The following PLA2G6 variants were observed in gnomAD, a reference collection of about 807,000 sequenced individuals.
PLA2G6 encodes phospholipase A2 group VI.
Under a neutral mutation model 83.8 loss-of-function variants are expected in PLA2G6, and 62 were observed. The observed-to-expected ratio is 0.74, with a 90% CI of 0.60 to 0.91. PLA2G6 has a LOEUF of 0.91. Ranked by LOEUF, PLA2G6 falls within the 40% of genes least tolerant of loss-of-function variation. The pLI, the probability that PLA2G6 is intolerant of heterozygous loss-of-function variation, is 0.00. For missense variants in PLA2G6, 944 were observed against 1,102.0 expected (o/e 0.86, Z 2.03); for synonymous variants, 417 against 449.8 (o/e 0.93, Z 0.92).
rs368642824 is a variant in PLA2G6, at chr22:38,125,642, G to A, written c.1427+729C>T. ...GAGTTGCCACCCTGACACTCACTCC[G>A]TGTGACCTTGAGCAAGTCACTTCAC... is the stretch of plus-strand genomic sequence containing the variant. On this transcript the variant is annotated intron_variant, in intron 10 of 16. Coordinates refer to ENST00000332509, the MANE Select transcript of PLA2G6 (RefSeq NM_003560.4). The A allele has an allele frequency of 5.3e-5, 25 of 470,026 alleles. No individual in the cohort carries two copies. The East Asian group carries it at 1.5e-3, about 27-fold the overall frequency. The allele number at this position is 470,026 out of a possible 1,614,324, so 29.1% of individuals were successfully genotyped here. A position where few individuals can be genotyped will look rare whatever the true frequency, so the allele number is the denominator to read the frequency against.
chr22:38,125,702 AG>A (rs1333063388), intron 10 of PLA2G6: 5 of 470,812 alleles, frequency 1.1e-5, no homozygotes, highest in Non-Finnish European at 2.2e-5. Context: ...CTGTAAAACA[AG>A]GTTACAAATT....
chr22:38,115,958 G>A (rs2087166344), intron 13 of PLA2G6, 117 bp downstream of exon 13: 3 of 1,481,106 alleles, frequency 2.0e-6, no homozygotes, highest in Non-Finnish European at 2.8e-6. Flanking sequence ...GACCAGTGCA[G>A]CGGGTGGGCT....
intron 2 of PLA2G6, among the ~76,000 whole-genome samples, chr22:38,157,989 T>C (rs895063532): frequency 2.0e-5 from 3 of 150,932 alleles, no homozygotes; most frequent in South Asian, 4.2e-4. Context: ...TGAGCTGAGA[T>C]TGCACCACCG....
intron 2 of PLA2G6, among the ~76,000 whole-genome samples, chr22:38,169,003 T>A (rs1358148260): frequency 1.3e-5 from 2 of 152,088 alleles, no homozygotes; most frequent in East Asian, 1.9e-4. Flanking sequence ...CAGGCTTCCA[T>A]CCTCAGCCTC....
At chr22:38,126,961 C>A in intron 9 of PLA2G6, 1 of 1,042,038 alleles carries the variant, frequency 9.6e-7, no homozygotes, top group Non-Finnish European at 1.2e-6. Flanking sequence ...AAGGAGACAT[C>A]CCTCGTCCTG....
rs1173200526 is a variant in PLA2G6, at chr22:38,112,193, G to A, written c.2389C>T (p.Gln797Ter). The A allele has an allele frequency of 1.2e-6, 2 of 1,600,774 alleles. No individual in the cohort carries two copies. The highest frequency in any genetic ancestry group is 2.3e-5 in the East Asian group (1 of 44,258). The change falls in exon 17 of 17, where the codon CAG becomes TAG. Residue 797 changes from glutamine to a stop codon, truncating the protein, a stop_gained. Transcript: ENST00000332509. LOFTEE classifies it high-confidence loss of function. ...VYIYEHREEFQKLIQLLLSP is the reference protein window; with the variant it reads ...VYIYEHREEF ...GAGAGCAGCAGCTGGATGAGCTTCT[G>A]GAACTCCTCGCGGTGCTCATAGATG...
chr22:38,173,688 AT>A lies in PLA2G6; in HGVS notation c.-45-4218del, dbSNP rs2090523292. On this transcript the variant is annotated intron_variant, in intron 1 of 16. Transcript: ENST00000332509. Reference sequence around the variant, plus strand: ...AAGGACGGGAGGAACAAGTATTATTATCCCATCTTCCCATCTCAGAGATCAA... The same window carrying A: ...AAGGACGGGAGGAACAAGTATTATTACCCATCTTCCCATCTCAGAGATCAA... Among the ~76,000 whole-genome samples the A allele has an allele frequency of 3.3e-5, 5 of 152,312 alleles. No homozygotes were observed. In the South Asian group the frequency reaches 1.0e-3, roughly 32 times the overall value.
intron 2 of PLA2G6, among the ~76,000 whole-genome samples, chr22:38,166,777 C>T (rs190540341): frequency 6.6e-6 from 1 of 152,074 alleles, no homozygotes; most frequent in Non-Finnish European, 1.5e-5. Flanking sequence ...CACAGCAGCA[C>T]AGAGAAATGA....
intron 3 of PLA2G6, chr22:38,143,755 T>C (rs1326588474): frequency 1.7e-5 from 5 of 297,956 alleles, no homozygotes; most frequent in Non-Finnish European, 3.3e-5. Context: ...TTTGTTTTGT[T>C]TTTTTGAGGT....
At chr22:38,146,038 A>AT in intron 2 of PLA2G6, 3 of 236,526 alleles carry the variant, frequency 1.3e-5, no homozygotes, top group Non-Finnish European at 2.4e-5. Flanking sequence ...ATGCCCAGCT[A>AT]ATTTTTTTTT....
chr22:38,128,355 AC>A lies in PLA2G6; in HGVS notation c.1261del (p.Val421SerfsTer26), dbSNP rs781679211. The A allele has an allele frequency of 1.9e-6, 3 of 1,613,434 alleles. No individual in the cohort carries two copies. Among genetic ancestry groups the A allele is most frequent in the East Asian group, 4.5e-5 (2 of 44,866 alleles). On this transcript the variant is annotated frameshift_variant, in exon 9 of 17. Transcript: ENST00000332509. LOFTEE classifies it high-confidence loss of function. This position sits in a 1 kb window ranked among gnomAD's most constrained non-coding sequence, Gnocchi z 4.4. ...AEYCFPPIHG[V>X]PAEQGSAAPH... The stretch of plus-strand genomic sequence containing the variant: ...CGCTGCAGAGCCCTGCTCCGCGGGG[AC>A]CCCGTGGATGGGTGGGAAGCAGTAT...
At chr22:38,126,161 T>G (rs1315940699) in intron 10 of PLA2G6, 1 of 640,910 alleles carries the variant, frequency 1.6e-6, no homozygotes, top group African/African-American at 1.8e-5. Flanking sequence ...CCTGGGCTGG[T>G]CTCCAGAGCC....
chr22:38,111,847 G>A lies in PLA2G6; in HGVS notation c.*314C>T. ...AGGGAGGCTGGGGCTGGGGGCAGGG[G>A]TACGGTTGTGCCCGGGTACCCTTAA... is the stretch of plus-strand genomic sequence containing the variant. On this transcript the variant is annotated 3_prime_UTR_variant, in exon 17 of 17. Coordinates refer to ENST00000332509, the MANE Select transcript of PLA2G6 (RefSeq NM_003560.4). 1 of 415,754 alleles carries A rather than the reference G, an allele frequency of 2.4e-6. No homozygotes were observed. The highest frequency in any genetic ancestry group is 2.1e-5 in the South Asian group (1 of 47,638). 25.8% of individuals were successfully genotyped at this position (415,754 alleles called of 1,614,324 possible). A position where few individuals can be genotyped will look rare whatever the true frequency, so the allele number is the denominator to read the frequency against.
chr22:38,120,407 T>C (rs1287432891), intron 12 of PLA2G6, among the ~76,000 whole-genome samples: 1 of 152,170 alleles, frequency 6.6e-6, no homozygotes, highest in African/African-American at 2.4e-5. Flanking sequence ...TCTGCCCAGG[T>C]GGTCTCAGAG....
chr22:38,156,659 T>C (rs2089793087), intron 2 of PLA2G6, among the ~76,000 whole-genome samples: 1 of 152,078 alleles, frequency 6.6e-6, no homozygotes, highest in Non-Finnish European at 1.5e-5. Flanking sequence ...TTCACTGTGT[T>C]AGCCAGGATG....
rs1452095724 is a variant in PLA2G6 at position 38,135,017 on chromosome 22, T to C, written c.865A>G (p.Ser289Gly). ...IHSKDPRYGA[S>G]PLHWAKNAEM... is the part of the protein sequence containing the mutation. Reference sequence around the variant, plus strand: ...GCGTTCTTGGCCCAGTGGAGGGGGCTGGCTCCGTAACGGGGGTCTTTGCTG... The same window carrying C: ...GCGTTCTTGGCCCAGTGGAGGGGGCCGGCTCCGTAACGGGGGTCTTTGCTG... The change falls in exon 6 of 17, where the codon AGC becomes GGC. Residue 289 changes from serine (S) to glycine (G), a missense_variant. Transcript: ENST00000332509. The C allele has an allele frequency of 7.1e-7, 1 of 1,410,904 alleles. No individual in the cohort carries two copies. Among genetic ancestry groups the C allele is most frequent in the Admixed American group, 1.9e-5 (1 of 53,580 alleles). The allele number at this position is 1,410,904 out of a possible 1,614,324, so 87.4% of individuals were successfully genotyped here. A position where few individuals can be genotyped will look rare whatever the true frequency, so the allele number is the denominator to read the frequency against.
At chr22:38,177,884 T>A (rs1450258210) in intron 1 of PLA2G6, among the ~76,000 whole-genome samples, 3 of 152,178 alleles carry the variant, frequency 2.0e-5, no homozygotes, top group Non-Finnish European at 4.4e-5. Flanking sequence ...TTAGGTGGAA[T>A]CCAGAGCATC....
At chr22:38,159,774 A>C (rs1373053295) in intron 2 of PLA2G6, among the ~76,000 whole-genome samples, 1 of 150,910 alleles carries the variant, frequency 6.6e-6, no homozygotes, top group African/African-American at 2.4e-5. Context: ...ATCTTCAACA[A>C]TTTTTAGAAA....
chr22:38,147,316 C>CT (rs559628379), intron 2 of PLA2G6: 128 of 167,082 alleles, frequency 7.7e-4, no homozygotes, highest in African/African-American at 2.9e-3. Flanking sequence ...CTGACCAGGG[C>CT]TTTTAACATA....
Sources: gnomAD v4.1 joint callset for allele counts (sites outside exome capture counted in the v4.1 genomes callset) on GRCh38, gnomAD v4.1.1 for gene constraint, Gnocchi (gnomAD v3.1) non-coding constraint, MANE v1.5 for transcripts, NCBI Gene and HGNC (gene_info 2026-07-23, HGNC 2026-07-21) for gene names.